SEMA5A: variants seen among roughly 807,000 people sequenced by gnomAD.
SEMA5A encodes semaphorin 5A, also known as semaphorin-5A.
A neutral mutation model predicts 135.5 loss-of-function variants in SEMA5A; 55 were observed. The observed-to-expected ratio is 0.41, with a 90% CI of 0.33 to 0.51. The LOEUF (loss-of-function observed/expected upper bound fraction) is 0.51. Ranked by LOEUF, SEMA5A falls within the 20% of genes least tolerant of loss-of-function variation. The pLI is 0.37. For missense variants in SEMA5A, 1,290 were observed against 1,419.9 expected, an observed-to-expected ratio of 0.91 and a Z score of 1.47; for synonymous variants, 580 against 546.5, an observed-to-expected ratio of 1.06 and a Z score of -0.85.
intron 13 of SEMA5A, among the ~76,000 whole-genome samples, chr5:9,134,199 C>T (rs912630394): frequency 6.6e-6 from 1 of 152,184 alleles, no homozygotes; most frequent in Non-Finnish European, 1.5e-5. Context: ...CAGACTAATA[C>T]AAGTGGCATG....
intron 5 of SEMA5A, among the ~76,000 whole-genome samples, chr5:9,244,714 C>A (rs1415537387): frequency 1.3e-5 from 2 of 152,156 alleles, no homozygotes. Context: ...AATAGAATGC[C>A]CTGCACCCAT....
chr5:9,077,249 G>C (rs1445637076), intron 16 of SEMA5A, among the ~76,000 whole-genome samples: 2 of 152,092 alleles, frequency 1.3e-5, no homozygotes, highest in African/African-American at 4.8e-5. Context: ...GATTTACTTA[G>C]CCATCCCAAA....
chr5:9,386,970 A>C (rs1455401953), intron 2 of SEMA5A, among the ~76,000 whole-genome samples: 3 of 152,180 alleles, frequency 2.0e-5, no homozygotes, highest in African/African-American at 4.8e-5. Context: ...GACTCCCAGA[A>C]TTTGGAAGGT....
chr5:9,316,651 ATTC>A (rs1231877102), intron 5 of SEMA5A, among the ~76,000 whole-genome samples: 1 of 152,192 alleles, frequency 6.6e-6, no homozygotes, highest in Non-Finnish European at 1.5e-5. Context: ...ATTGTTGATC[ATTC>A]TTTTTTTAAT....
intron 8 of SEMA5A, among the ~76,000 whole-genome samples, chr5:9,207,888 G>GATAC (rs1282786793): frequency 2.1e-4 from 12 of 57,758 alleles, no homozygotes; most frequent in East Asian, 1.4e-3. Flanking sequence ...TAGATAGATA[G>GATAC]ATAGATAGAT....
intron 12 of SEMA5A, among the ~76,000 whole-genome samples, chr5:9,153,894 A>C (rs1742774673): frequency 6.6e-6 from 1 of 150,748 alleles, no homozygotes; most frequent in African/African-American, 2.4e-5. Context: ...AAAAATACCA[A>C]AATTAGCCAG....
At chr5:9,384,198 T>C (rs931175126) in intron 2 of SEMA5A, among the ~76,000 whole-genome samples, 5 of 152,116 alleles carry the variant, frequency 3.3e-5, no homozygotes, top group African/African-American at 4.8e-5. Flanking sequence ...GGCTAACTCC[T>C]TGAAGAGGCT....
At chr5:9,458,717 G>A (rs1242005538) in intron 1 of SEMA5A, among the ~76,000 whole-genome samples, 1 of 152,176 alleles carries the variant, frequency 6.6e-6, no homozygotes. Flanking sequence ...GTAAAATGGA[G>A]CACAGGAACC....
intron 2 of SEMA5A, among the ~76,000 whole-genome samples, chr5:9,382,729 T>C (rs545122248): frequency 1.9e-4 from 29 of 152,292 alleles, no homozygotes; most frequent in African/African-American, 6.3e-4. Flanking sequence ...TATGCATGTA[T>C]GAATTTGCAA....
chr5:9,368,460 AC>A (rs1401619789), intron 3 of SEMA5A, among the ~76,000 whole-genome samples: 1 of 152,232 alleles, frequency 6.6e-6, no homozygotes, highest in African/African-American at 2.4e-5. Flanking sequence ...AAATTTAATG[AC>A]TTTTAACAAA....
At chr5:9,483,990 C>A (rs116505180) in intron 1 of SEMA5A, among the ~76,000 whole-genome samples, 2 of 152,110 alleles carry the variant, frequency 1.3e-5, no homozygotes, top group Non-Finnish European at 2.9e-5. Flanking sequence ...ACCAGACAGG[C>A]GCTGGGAGCT....
At chr5:9,138,393 T>C (rs921009417) in intron 12 of SEMA5A, among the ~76,000 whole-genome samples, 5 of 152,176 alleles carry the variant, frequency 3.3e-5, no homozygotes, top group Non-Finnish European at 7.3e-5. Flanking sequence ...GGCAAATATA[T>C]GTTTTATATA....
chr5:9,131,994 TA>T (rs1344866459), intron 13 of SEMA5A, among the ~76,000 whole-genome samples: 3 of 152,226 alleles, frequency 2.0e-5, no homozygotes, highest in African/African-American at 7.2e-5. Flanking sequence ...GCAGGACATA[TA>T]TATTATTCTA....
At chr5:9,256,586 A>G (rs1357675825) in intron 5 of SEMA5A, among the ~76,000 whole-genome samples, 1 of 152,236 alleles carries the variant, frequency 6.6e-6, no homozygotes, top group Admixed American at 6.5e-5. Flanking sequence ...TCTTGGCAGC[A>G]CACTTACCAG....
chr5:9,289,101 C>T (rs904099512), intron 5 of SEMA5A, among the ~76,000 whole-genome samples: 2 of 152,182 alleles, frequency 1.3e-5, no homozygotes, highest in Non-Finnish European at 2.9e-5. Context: ...CCCACATCCT[C>T]ATCAATGAGA....
At chr5:9,445,435 C>T (rs1216709878) in intron 1 of SEMA5A, among the ~76,000 whole-genome samples, 1 of 151,504 alleles carries the variant, frequency 6.6e-6, no homozygotes, top group Non-Finnish European at 1.5e-5. Context: ...TTTGGGAGGC[C>T]GAGGTGGGCG....
At chr5:9,143,016 C>T (rs903162945) in intron 12 of SEMA5A, among the ~76,000 whole-genome samples, 3 of 152,144 alleles carry the variant, frequency 2.0e-5, no homozygotes, top group Non-Finnish European at 2.9e-5. Context: ...TCCAAGTAGA[C>T]AATAGCCTTC....
At chr5:9,455,842 G>A (rs775163661) in intron 1 of SEMA5A, among the ~76,000 whole-genome samples, 14 of 152,132 alleles carry the variant, frequency 9.2e-5, no homozygotes, top group Non-Finnish European at 1.8e-4. Flanking sequence ...GAAGGCTTAC[G>A]ACCCACTAAA....
chr5:9,193,651 G>A (rs979114886), intron 10 of SEMA5A, among the ~76,000 whole-genome samples: 4 of 152,122 alleles, frequency 2.6e-5, no homozygotes, highest in African/African-American at 9.7e-5. Flanking sequence ...TGTAATCCTA[G>A]CACTTTGAGA....
Sources: gnomAD v4.1 joint callset for allele counts (sites outside exome capture counted in the v4.1 genomes callset) on GRCh38, gnomAD v4.1.1 for gene constraint, MANE v1.5 for transcripts, NCBI Gene and HGNC (gene_info 2026-07-23, HGNC 2026-07-21) for gene names.